Variants in FOXP1 observed in about 807,000 individuals in gnomAD.
The protein encoded by FOXP1 is forkhead box P1, also known as forkhead box protein P1.
FOXP1 carries 15 observed loss-of-function variants against 98.2 expected under a neutral mutation model. That is an observed-to-expected ratio of 0.15 (90% confidence interval 0.10 to 0.24). The LOEUF is 0.24. Ranked by LOEUF, FOXP1 falls within the 10% of genes least tolerant of loss-of-function variation. The pLI, the probability that FOXP1 is intolerant of heterozygous loss-of-function variation, is 1.00. For synonymous variants in FOXP1, 371 were observed against 314.5 expected (o/e 1.18, Z -1.90); for missense variants, 633 against 848.5 (o/e 0.75, Z 3.15).
At chr3:70,973,496 AAGG>A (rs1347946220) in intron 17 of FOXP1, among the ~76,000 whole-genome samples, 1 of 152,120 alleles carries the variant, frequency 6.6e-6, no homozygotes, top group African/African-American at 2.4e-5. Context: ...ATTTATCAAA[AAGG>A]AGGATCTCAA....
At chr3:71,247,738 C>T (rs1351512813) in intron 5 of FOXP1, among the ~76,000 whole-genome samples, 2 of 152,218 alleles carry the variant, frequency 1.3e-5, no homozygotes, top group African/African-American at 4.8e-5. Flanking sequence ...TCTCCACTCT[C>T]AGTCCTAATG....
At chr3:71,579,267 A>C (rs1253262045) in intron 2 of FOXP1, among the ~76,000 whole-genome samples, 1 of 152,196 alleles carries the variant, frequency 6.6e-6, no homozygotes, top group Non-Finnish European at 1.5e-5. Context: ...ATACTCCACG[A>C]TTTAAATATA....
At chr3:70,961,334 A>G (rs2033433941) in intron 20 of FOXP1, among the ~76,000 whole-genome samples, 1 of 151,946 alleles carries the variant, frequency 6.6e-6, no homozygotes, top group Non-Finnish European at 1.5e-5. Flanking sequence ...AGGCTCAAGT[A>G]ATTCTTCTGG....
In FOXP1 at chr3:70,991,942, C is replaced by T. The variant is rs72961953; in HGVS notation, c.1063-3865G>A. Reference sequence around the variant, plus strand: ...AGGTCTTAGTCTCCCTCCCTGCTCTCATGCTGAACTACTGTTCCTAGAGTT... The same window carrying T: ...AGGTCTTAGTCTCCCTCCCTGCTCTTATGCTGAACTACTGTTCCTAGAGTT... On this transcript the variant is annotated intron_variant, in intron 13 of 20. Transcript: ENST00000649528. 7.7e-3 allele frequency among the ~76,000 whole-genome samples: 1,171 copies of T among 152,310 alleles called. 15 individuals are homozygous for T. Among genetic ancestry groups the T allele is most frequent in the African/African-American group, 0.027 (1,126 of 41,556 alleles).
chr3:71,260,020 C>T (rs2068961487), intron 5 of FOXP1, among the ~76,000 whole-genome samples: 2 of 152,188 alleles, frequency 1.3e-5, no homozygotes, highest in African/African-American at 4.8e-5. Flanking sequence ...GTCTCGCTCT[C>T]TCCCCCAGGC....
intron 6 of FOXP1, among the ~76,000 whole-genome samples, chr3:71,151,736 T>C (rs1185959053): frequency 1.4e-5 from 2 of 147,438 alleles, no homozygotes; most frequent in South Asian, 2.2e-4. Context: ...AATCTGCCAA[T>C]AGCATTTGAC....
intron 7 of FOXP1, among the ~76,000 whole-genome samples, chr3:71,097,699 G>A (rs1043921967): frequency 2.6e-5 from 4 of 152,074 alleles, no homozygotes; most frequent in Non-Finnish European, 5.9e-5. Flanking sequence ...TACAGCACAC[G>A]GGCCACTGAC....
chr3:71,333,612 C>G (rs2076482604), intron 4 of FOXP1: 1 of 152,110 alleles, frequency 6.6e-6, no homozygotes. Flanking sequence ...CACTTGCACT[C>G]ACGAGTTTGA....
intron 3 of FOXP1, among the ~76,000 whole-genome samples, chr3:71,459,923 C>T (rs1161204173): frequency 2.6e-5 from 4 of 151,324 alleles, no homozygotes; most frequent in African/African-American, 9.7e-5. Flanking sequence ...TATATCAGGC[C>T]CCATCTTCTT....
intron 13 of FOXP1, 75 bp downstream of exon 13, chr3:71,000,897 C>G (rs1248575849): frequency 1.1e-6 from 1 of 891,432 alleles, no homozygotes; most frequent in African/African-American, 1.6e-5. Flanking sequence ...TACACAGGAA[C>G]TCATTACAGA....
intron 3 of FOXP1, among the ~76,000 whole-genome samples, chr3:71,418,899 C>G (rs1428666661): frequency 6.7e-6 from 1 of 149,500 alleles, no homozygotes; most frequent in Non-Finnish European, 1.5e-5. Flanking sequence ...GCCAGGAGTT[C>G]CAGACCAACC....
chr3:71,244,503 G>GGA (rs71621928), intron 5 of FOXP1, among the ~76,000 whole-genome samples: 7 of 142,016 alleles, frequency 4.9e-5, no homozygotes, highest in African/African-American at 1.3e-4. Context: ...TTGAAAAAGG[G>GGA]AAAAAAAAAA....
chr3:71,229,708 T>C (rs1375611644), intron 5 of FOXP1, among the ~76,000 whole-genome samples: 2 of 152,094 alleles, frequency 1.3e-5, no homozygotes, highest in Non-Finnish European at 2.9e-5. Flanking sequence ...TTCTAGTCAA[T>C]GTCAAGAATG....
chr3:71,134,199 T>C (rs2059709182), intron 6 of FOXP1, among the ~76,000 whole-genome samples: 1 of 152,190 alleles, frequency 6.6e-6, no homozygotes, highest in African/African-American at 2.4e-5. Context: ...CTAGACAGAC[T>C]AAGGTGGCCG....
At position 71,099,024 on chromosome 3, in the gene FOXP1, T is replaced by C. The variant is rs2056726600; in HGVS notation, c.282+13512A>G. Among the ~76,000 whole-genome samples, 3 of 152,290 alleles carry C rather than the reference T, an allele frequency of 2.0e-5. No individual in the cohort carries two copies. The South Asian group carries it at 6.2e-4, about 32-fold the overall frequency. On this transcript the variant is annotated intron_variant, in intron 7 of 20. Transcript: ENST00000649528. ...TCAGCTAATATTCATAACAACACCA[T>C]GGGATAAATGCTATGATTACCACAT...
At chr3:71,496,324 T>C (rs2091403941) in intron 2 of FOXP1, among the ~76,000 whole-genome samples, 1 of 151,990 alleles carries the variant, frequency 6.6e-6, no homozygotes, top group East Asian at 1.9e-4. Flanking sequence ...TCTTGAGGTT[T>C]TGGGAGGAAT....
intron 4 of FOXP1, among the ~76,000 whole-genome samples, chr3:71,347,032 C>G (rs2077410059): frequency 6.6e-6 from 1 of 152,116 alleles, no homozygotes; most frequent in African/African-American, 2.4e-5. Context: ...AAGACTCCAT[C>G]TCAAAAAAAT....
At chr3:71,225,745 C>G (rs924432001) in intron 5 of FOXP1, among the ~76,000 whole-genome samples, 2 of 152,192 alleles carry the variant, frequency 1.3e-5, no homozygotes, top group Admixed American at 6.5e-5. Flanking sequence ...TTTGGGAGTT[C>G]TCCCTCAAAT....
At chr3:70,981,354 T>TA (rs1290513425) in intron 14 of FOXP1, among the ~76,000 whole-genome samples, 2 of 152,144 alleles carry the variant, frequency 1.3e-5, no homozygotes, top group Admixed American at 1.3e-4. Context: ...AGAGGGGGCT[T>TA]ACCAGGCTTG....
Sources: allele counts gnomAD v4.1 joint callset (sites outside exome capture counted in the v4.1 genomes callset), GRCh38; gene constraint gnomAD v4.1.1; transcripts MANE v1.5; gene names NCBI Gene and HGNC (gene_info 2026-07-23, HGNC 2026-07-21).